Variants in USP32 observed in about 807,000 individuals in gnomAD.
The protein encoded by USP32 is ubiquitin specific peptidase 32, also known as ubiquitin carboxyl-terminal hydrolase 32.
USP32 carries 59 observed loss-of-function variants against 204.8 expected under a neutral mutation model. That is an observed-to-expected ratio of 0.29 (90% CI 0.23 to 0.36). The LOEUF (loss-of-function observed/expected upper bound fraction) is 0.36. USP32 is among the 10% of genes least tolerant of loss of function. USP32 has a pLI of 1.00. For missense variants in USP32, 1,160 were observed against 1,946.4 expected (o/e 0.60, Z 7.60); for synonymous variants, 517 against 678.4 (o/e 0.76, Z 3.70).
chr17:60,393,758 C>T (rs1312790786), upstream of USP32, among the ~76,000 whole-genome samples: 1 of 151,592 alleles, frequency 6.6e-6, no homozygotes, highest in East Asian at 1.9e-4. Context: ...GATCTCGACT[C>T]ACCGCAACCT....
Position 60,317,527 on chromosome 17 carries a change from A to C in USP32, c.187-15823T>G, listed in dbSNP as rs557818982. On this transcript the variant is annotated intron_variant, in intron 2 of 33. Coordinates refer to ENST00000300896, the MANE Select transcript of USP32 (RefSeq NM_032582.4). The stretch of plus-strand genomic sequence containing the variant: ...TGAGACCCTGTCTAAAAAAAAAAAA[A>C]AAAAAGTTAAAATGGTTAATTTTAT... Among the ~76,000 whole-genome samples, 4 of 151,792 alleles carry C rather than the reference A, an allele frequency of 2.6e-5. No individual in the cohort carries two copies. In the South Asian group the frequency reaches 6.3e-4, roughly 24 times the overall value.
chr17:60,324,813 A>T (rs1598246566), intron 2 of USP32, among the ~76,000 whole-genome samples: 2 of 151,622 alleles, frequency 1.3e-5, no homozygotes, highest in East Asian at 3.9e-4. Context: ...GACCAGCCTG[A>T]CCAACACGGA....
At chr17:60,271,931 C>A (rs2086733296) in intron 5 of USP32, among the ~76,000 whole-genome samples, 1 of 151,976 alleles carries the variant, frequency 6.6e-6, no homozygotes, top group African/African-American at 2.4e-5. Context: ...CCCACCTCAG[C>A]CTCCCAAGTA....
At chr17:60,256,057 C>T (rs1191939849) in intron 9 of USP32, among the ~76,000 whole-genome samples, 2 of 151,748 alleles carry the variant, frequency 1.3e-5, no homozygotes, top group Non-Finnish European at 2.9e-5. Context: ...ATAGAAAAAT[C>T]ACTGGGCATG....
chr17:60,253,649 C>T (rs974344276), intron 10 of USP32, among the ~76,000 whole-genome samples: 2 of 151,992 alleles, frequency 1.3e-5, no homozygotes, highest in Non-Finnish European at 2.9e-5. Context: ...GCCTGTAATC[C>T]CAGCTACTCG....
At chr17:60,326,976 G>C (rs1012653255) in intron 2 of USP32, among the ~76,000 whole-genome samples, 1 of 42,378 alleles carries the variant, frequency 2.4e-5, no homozygotes, top group Non-Finnish European at 3.6e-5. Flanking sequence ...GGCGAGGAAA[G>C]GGAGGGGGAG....
chr17:60,205,683 T>C (rs28464666), intron 25 of USP32, 25 bp from the exon 26 acceptor site: 65 of 1,610,636 alleles, frequency 4.0e-5, no homozygotes, highest in Admixed American at 2.2e-4. Context: ...ATAAGTACAG[T>C]ATCATAAGCT....
At chr17:60,302,292 C>T (rs1027352811) in intron 2 of USP32, among the ~76,000 whole-genome samples, 4 of 152,020 alleles carry the variant, frequency 2.6e-5, no homozygotes, top group Non-Finnish European at 5.9e-5. Flanking sequence ...CTTGGGATTA[C>T]ATGTGCCACC....
chr17:60,292,820 C>T (rs1175052857), intron 4 of USP32, among the ~76,000 whole-genome samples: 59 of 151,478 alleles, frequency 3.9e-4, no homozygotes, highest in Admixed American at 3.9e-3. Context: ...CTCCTCTACT[C>T]AAAACCTTCC....
At chr17:60,185,150 G>A (rs73320982) in intron 30 of USP32, among the ~76,000 whole-genome samples, 133 of 152,336 alleles carry the variant, frequency 8.7e-4, no homozygotes, top group African/African-American at 2.8e-3. Context: ...AGAGCCAGAA[G>A]TTTAACCTCT....
chr17:60,195,530 GTT>G (rs1305932397), intron 27 of USP32, among the ~76,000 whole-genome samples: 4 of 152,254 alleles, frequency 2.6e-5, no homozygotes, highest in Admixed American at 1.3e-4. Flanking sequence ...TAGAGACGGG[GTT>G]TTGCCATGTT....
intron 21 of USP32, 52 bp from the exon 22 acceptor site, chr17:60,209,595 A>T: frequency 7.7e-7 from 1 of 1,303,988 alleles, no homozygotes; most frequent in Non-Finnish European, 1.0e-6. Context: ...TAAAATTTGG[A>T]ATGAACATGT....
At chr17:60,369,316 C>A (rs2089391457) in intron 1 of USP32, among the ~76,000 whole-genome samples, 1 of 150,302 alleles carries the variant, frequency 6.7e-6, no homozygotes, top group Non-Finnish European at 1.5e-5. Flanking sequence ...TTAAGCCAGG[C>A]ATGGTGACAT....
chr17:60,199,348 G>A (rs574329316), intron 26 of USP32, among the ~76,000 whole-genome samples: 57 of 152,158 alleles, frequency 3.7e-4, no homozygotes, highest in African/African-American at 1.3e-3. Context: ...TAGGATAAAA[G>A]TAAGGTAAAA....
chr17:60,407,209 T>G (rs1204716943), intron 1 of USP32, among the ~76,000 whole-genome samples: 1 of 152,128 alleles, frequency 6.6e-6, no homozygotes, highest in Non-Finnish European at 1.5e-5. Flanking sequence ...TGTGCAAAAT[T>G]CCAAAAAGGA....
intron 27 of USP32, among the ~76,000 whole-genome samples, chr17:60,193,420 C>A (rs930581339): frequency 6.6e-6 from 1 of 152,138 alleles, no homozygotes; most frequent in African/African-American, 2.4e-5. Flanking sequence ...AAGCTACATA[C>A]CATTTTTGGA....
chr17:60,209,122 A>G (rs1166256072), intron 22 of USP32, among the ~76,000 whole-genome samples: 1 of 152,202 alleles, frequency 6.6e-6, no homozygotes, highest in African/African-American at 2.4e-5. Flanking sequence ...ATTCCACTGG[A>G]TAATTATTCC....
intron 5 of USP32, among the ~76,000 whole-genome samples, chr17:60,282,351 T>C (rs775924508): frequency 1.3e-5 from 2 of 152,104 alleles, no homozygotes; most frequent in Non-Finnish European, 2.9e-5. Flanking sequence ...CCTAAAAACA[T>C]AGTATACTCT....
chr17:60,341,240 T>C (rs958036794), intron 2 of USP32, among the ~76,000 whole-genome samples: 8 of 152,324 alleles, frequency 5.3e-5, no homozygotes, highest in African/African-American at 1.9e-4. Flanking sequence ...GAAGTTCTCC[T>C]GGATAATATC....
Sources: gnomAD v4.1 joint callset for allele counts (sites outside exome capture counted in the v4.1 genomes callset) on GRCh38, gnomAD v4.1.1 for gene constraint, MANE v1.5 for transcripts, NCBI Gene and HGNC (gene_info 2026-07-23, HGNC 2026-07-21) for gene names.